CROCC: variants seen among roughly 807,000 people sequenced by gnomAD.
CROCC encodes the protein rootletin.
Under a neutral mutation model 245.2 loss-of-function variants are expected in CROCC, and 180 were observed. The observed-to-expected ratio is 0.73, with a 90% CI of 0.65 to 0.83. CROCC has a LOEUF of 0.83. Ranked by LOEUF, CROCC falls within the 40% of genes least tolerant of loss-of-function variation. The pLI is 0.00. For missense variants in CROCC, 2,688 were observed against 2,779.4 expected, an observed-to-expected ratio of 0.97 and a Z score of 0.74; for synonymous variants, 1,205 against 1,241.6, an observed-to-expected ratio of 0.97 and a Z score of 0.62.
intron 1 of CROCC, among the ~76,000 whole-genome samples, chr1:16,914,423 C>T (rs1570560767): frequency 6.6e-6 from 1 of 152,252 alleles, no homozygotes; most frequent in East Asian, 1.9e-4. Context: ...GGCCGGGGTC[C>T]CCTCGCTCCG....
At position 16,958,749 on chromosome 1, in the gene CROCC, AG is replaced by A. The variant is rs2076285866; in HGVS notation, c.4032+1del. On this transcript the variant is annotated frameshift_variant and splice_region_variant, in exon 26 of 37. Coordinates refer to ENST00000375541, the MANE Select transcript of CROCC (RefSeq NM_014675.5). LOFTEE classifies it high-confidence loss of function. ...GCCAGCCTGGAGGTGATGCGGCAGG[AG>A]GTAACTGAGCAGGCGGGCAGGCTGG... ...GEASLEVMRQ[E>X]LQVAQRKLQE... is the part of the protein sequence containing the mutation. The A allele has an allele frequency of 6.4e-7, 1 of 1,557,520 alleles. No homozygotes were observed. The highest frequency in any genetic ancestry group is 8.7e-7 in the Non-Finnish European group (1 of 1,151,086).
rs2076217547 is a variant in CROCC at position 16,954,595 on chromosome 1, G to C, written c.3322-139G>C. 9 of 1,239,902 alleles carry C rather than the reference G, an allele frequency of 7.3e-6. No individual in the cohort carries two copies. In the South Asian group the frequency reaches 1.4e-4, roughly 19 times the overall value. The allele number at this position is 1,239,902 out of a possible 1,614,324, so 76.8% of individuals were successfully genotyped here. A position where few individuals can be genotyped will look rare whatever the true frequency, so the allele number is the denominator to read the frequency against. On this transcript the variant is annotated intron_variant, in intron 22 of 36. Transcript: ENST00000375541. The surrounding 1 kb of genome is among the most constrained non-coding windows in gnomAD (Gnocchi z 4.4). The stretch of plus-strand genomic sequence containing the variant: ...ACGGGCAGCACTCACTATGCATCCA[G>C]GGGTTGGCAGAGGGTCCGGCAGGCC...
chr1:16,914,193 G>C (rs1323967010), intron 1 of CROCC, among the ~76,000 whole-genome samples: 1 of 151,762 alleles, frequency 6.6e-6, no homozygotes, highest in Non-Finnish European at 1.5e-5. Context: ...GCTCCCGGCG[G>C]AGGAGGCCGC....
At chr1:16,940,115 G>C (rs1479882834) in intron 13 of CROCC, 22 bp downstream of exon 13, 2 of 1,557,384 alleles carry the variant, frequency 1.3e-6, no homozygotes, top group Admixed American at 3.8e-5. Context: ...GTCTGAGCTG[G>C]GGGGTACTGA....
At position 16,972,543 on chromosome 1, in the gene CROCC, C is replaced by A. The variant is rs2076541121; in HGVS notation, c.*97C>A. 7 of 806,910 alleles carry A rather than the reference C, an allele frequency of 8.7e-6. No individual in the cohort carries two copies. The highest frequency in any genetic ancestry group is 1.3e-5 in the Non-Finnish European group (7 of 525,114). 50.0% of individuals were successfully genotyped at this position (806,910 alleles called of 1,614,324 possible). On this transcript the variant is annotated 3_prime_UTR_variant, in exon 37 of 37. Coordinates refer to ENST00000375541, the MANE Select transcript of CROCC (RefSeq NM_014675.5). ...CACCCAGAGCCCGGTCCCTTGGGGG[C>A]CTCAAGCTGGGGTGGGATGAGGAGG...
intron 27 of CROCC, among the ~76,000 whole-genome samples, chr1:16,964,652 G>C (rs188040521): frequency 6.6e-6 from 1 of 151,934 alleles, no homozygotes; most frequent in Non-Finnish European, 1.5e-5. Context: ...CAAAGTGCTG[G>C]GATTACAGGT....
upstream of CROCC, among the ~76,000 whole-genome samples, chr1:16,919,273 T>C (rs531131258): frequency 1.7e-4 from 26 of 152,384 alleles, no homozygotes; most frequent in Non-Finnish European, 2.6e-4. Flanking sequence ...CAGTCACTCA[T>C]TGGGAGGCTG....
At chr1:16,917,396 C>T (rs866943803), upstream of CROCC, among the ~76,000 whole-genome samples, 216 of 152,246 alleles carry the variant, frequency 1.4e-3, no homozygotes, top group African/African-American at 4.8e-3. Flanking sequence ...AAGGGGTAAG[C>T]GGATAAGAGC....
At chr1:16,916,259 C>T (rs1208635722) in intron 1 of CROCC, among the ~76,000 whole-genome samples, 1 of 151,970 alleles carries the variant, frequency 6.6e-6, no homozygotes, top group African/African-American at 2.4e-5. Flanking sequence ...TCTGGTGGGC[C>T]CTGTGGGCCA....
At position 16,966,882 on chromosome 1, in the gene CROCC, A is replaced by G. The variant is rs1302636564; in HGVS notation, c.4860+311A>G. Among the ~76,000 whole-genome samples, 1 of 152,062 alleles carries G rather than the reference A, an allele frequency of 6.6e-6. No homozygotes were observed. The highest frequency in any genetic ancestry group is 1.5e-5 in the Non-Finnish European group (1 of 68,010). On this transcript the variant is annotated intron_variant, in intron 30 of 36. Transcript: ENST00000375541. This position sits in a 1 kb window ranked among gnomAD's most constrained non-coding sequence, Gnocchi z 4.8. ...TGAGACCAGCCTGGGCAACATGGTG[A>G]AACCCCGTCTCTATGAAAAATACTT...
chr1:16,958,843 C>G, intron 26 of CROCC, 93 bp downstream of exon 26: 1 of 1,379,244 alleles, frequency 7.3e-7, no homozygotes, highest in Non-Finnish European at 9.8e-7. Flanking sequence ...TGAAAGGCCA[C>G]TCCCTAGGGC....
rs550397672 is a variant in CROCC, at chr1:16,930,586, G to A, written c.841G>A (p.Glu281Lys). 3.6e-5 allele frequency: 58 copies of A among 1,609,694 alleles called. No individual in the cohort carries two copies. Among genetic ancestry groups the A allele is most frequent in the South Asian group, 3.0e-4 (27 of 90,392 alleles). ...LEHREAAWRR[E>K]EESFNAYFSN... ...GCACCGGGAGGCGGCGTGGAGGCGC[G>A]AGGAGGAGGTGGGCATGGGGGTGCA... Residue 281 changes from glutamate (E) to lysine (K), a missense_variant, in exon 7 of 37, where the codon GAG (glutamate) becomes AAG (lysine). Glu to Lys is a moderately conservative substitution (Grantham distance 56). Transcript: ENST00000375541.
intron 27 of CROCC, among the ~76,000 whole-genome samples, chr1:16,961,931 C>T (rs1185868355): frequency 2.0e-5 from 3 of 152,142 alleles, no homozygotes; most frequent in African/African-American, 4.8e-5. Context: ...GCCTTTGACT[C>T]CTTATCTGAT....
rs1303213949 is a variant in CROCC at position 16,922,803 on chromosome 1, C to T, written c.196+5C>T. ...TCTCCCAGCCTGAGAGCCCAGGTGC[C>T]ACCCCCATCCGCTCCCCTCCACAAA... is the stretch of plus-strand genomic sequence containing the variant. On this transcript the variant is annotated splice_donor_5th_base_variant and intron_variant, in intron 2 of 36. Coordinates refer to ENST00000375541, the MANE Select transcript of CROCC (RefSeq NM_014675.5). 3 of 1,610,140 alleles carry T rather than the reference C, an allele frequency of 1.9e-6. No homozygotes were observed. The highest frequency in any genetic ancestry group is 2.5e-6 in the Non-Finnish European group (3 of 1,178,740).
At chr1:16,915,279 C>T (rs186525283) in intron 1 of CROCC, among the ~76,000 whole-genome samples, 76 of 152,412 alleles carry the variant, frequency 5.0e-4, no homozygotes, top group African/African-American at 5.8e-4. Context: ...ATTTCTTTTT[C>T]CATTTAACAT....
chr1:16,968,457 G>A (rs1399056850), intron 31 of CROCC, 39 bp downstream of exon 31: 1 of 1,448,222 alleles, frequency 6.9e-7, no homozygotes, highest in Non-Finnish European at 9.1e-7. Flanking sequence ...GTGTTCACAT[G>A]CCCTGTGCCA....
intron 3 of CROCC, among the ~76,000 whole-genome samples, chr1:16,929,132 G>A (rs4990097): frequency 7.9e-5 from 12 of 152,254 alleles, no homozygotes; most frequent in African/African-American, 2.9e-4. Flanking sequence ...CAGCCAGAAG[G>A]GGGCATTAAT....
In CROCC at chr1:16,954,463, G is replaced by C; in HGVS notation, c.3321+106G>C. 6.9e-7 allele frequency: 1 copy of C among 1,448,152 alleles called. No individual in the cohort carries two copies. Among genetic ancestry groups the C allele is most frequent in the Non-Finnish European group, 9.3e-7 (1 of 1,080,840 alleles). 89.7% of individuals were successfully genotyped at this position (1,448,152 alleles called of 1,614,324 possible). On this transcript the variant is annotated intron_variant, in intron 22 of 36. Transcript: ENST00000375541. The surrounding 1 kb of genome is among the most constrained non-coding windows in gnomAD (Gnocchi z 4.4). ...TGGCCCTGTCCTGGAGAAGCTTCCA[G>C]GCTGTGGGAAAGGAGGTTTAGCCCT...
chr1:16,929,884 G>A lies in CROCC; in HGVS notation c.390G>A (p.Glu130=). The A allele has an allele frequency of 6.3e-7, 1 of 1,583,624 alleles. No homozygotes were observed. The highest frequency in any genetic ancestry group is 1.2e-5 in the South Asian group (1 of 86,826). Residue 130 remains glutamate, a synonymous_variant, in exon 4 of 37, where the codon GAG becomes GAA. Transcript: ENST00000375541. ...QALRLEPGEL[E]TQEPRGLVRQ... ...TGCGGCTGGAGCCTGGGGAGCTGGA[G>A]ACGCAGGAGCCCAGGGGGCTGGTAC...
Sources: allele counts gnomAD v4.1 joint callset (sites outside exome capture counted in the v4.1 genomes callset), GRCh38; gene constraint gnomAD v4.1.1; non-coding constraint Gnocchi (gnomAD v3.1); transcripts MANE v1.5; gene names NCBI Gene and HGNC (gene_info 2026-07-23, HGNC 2026-07-21).